ASH1L: variants seen among roughly 807,000 people sequenced by gnomAD.
The protein encoded by ASH1L is ASH1 like histone lysine methyltransferase.
ASH1L carries 23 observed loss-of-function variants against 269.0 expected under a neutral mutation model. The ratio of observed to expected loss-of-function variants is 0.09; its 90% CI spans 0.06 to 0.12. The LOEUF (loss-of-function observed/expected upper bound fraction) is 0.12, where lower values mean the gene tolerates loss of function less well. ASH1L is among the 10% of genes least tolerant of loss of function. ASH1L has a pLI of 1.00. For missense variants in ASH1L, 2,912 were observed against 3,567.8 expected, an observed-to-expected ratio of 0.82 and a Z score of 4.68; for synonymous variants, 1,187 against 1,253.5, an observed-to-expected ratio of 0.95 and a Z score of 1.12.
Position 155,444,202 on chromosome 1 carries a change from G to GAATTCCTGACCTCA in ASH1L, c.5087-5148_5087-5135dup, listed in dbSNP as rs1479541554. Reference sequence around the variant, plus strand: ...TCACCATGTTGGCCAGGCTGGTCTCGAATTCCTGACCTCAAATGATCCACC... The same window carrying GAATTCCTGACCTCA: ...TCACCATGTTGGCCAGGCTGGTCTCGAATTCCTGACCTCAAATTCCTGACCTCAAATGATCCACC... On this transcript the variant is annotated intron_variant, in intron 4 of 27. Coordinates refer to ENST00000392403, the MANE Select transcript of ASH1L (RefSeq NM_018489.3). 3.9e-5 allele frequency among the ~76,000 whole-genome samples: 6 copies of GAATTCCTGACCTCA among 152,050 alleles called. No individual in the cohort carries two copies. The East Asian group carries it at 1.2e-3, about 29-fold the overall frequency.
At chr1:155,517,500 G>A (rs906574434) in intron 2 of ASH1L, among the ~76,000 whole-genome samples, 1 of 151,942 alleles carries the variant, frequency 6.6e-6, no homozygotes, top group East Asian at 1.9e-4. Context: ...GTGGTAGCAG[G>A]CACCTGTAAT....
intron 1 of ASH1L, among the ~76,000 whole-genome samples, chr1:155,552,318 T>C (rs1314056173): frequency 1.3e-5 from 2 of 151,880 alleles, no homozygotes; most frequent in African/African-American, 4.8e-5. Flanking sequence ...ATACAAAAAT[T>C]AGCCGAGCGT....
intron 3 of ASH1L, 147 bp downstream of exon 3, chr1:155,477,739 A>G: frequency 8.1e-6 from 6 of 738,356 alleles, no homozygotes; most frequent in Non-Finnish European, 1.2e-5. Context: ...TTAAATCTTA[A>G]GGAAAAGGAA....
At chr1:155,519,699 C>T (rs1668746025) in intron 2 of ASH1L, among the ~76,000 whole-genome samples, 2 of 152,062 alleles carry the variant, frequency 1.3e-5, no homozygotes, top group Admixed American at 6.6e-5. Context: ...GCTTTCATTG[C>T]CCAGGCTGGA....
chr1:155,416,267 A>G (rs892531402), intron 5 of ASH1L, among the ~76,000 whole-genome samples: 2 of 152,004 alleles, frequency 1.3e-5, no homozygotes, highest in South Asian at 2.1e-4. Flanking sequence ...AGTAGCTGAT[A>G]TTACAGGGGC....
At chr1:155,523,388 G>A (rs1367858581) in intron 1 of ASH1L, among the ~76,000 whole-genome samples, 1 of 152,140 alleles carries the variant, frequency 6.6e-6, no homozygotes. Context: ...CAGCTCTCAG[G>A]AGACTGAGGT....
rs747902477 is a variant in ASH1L at position 155,481,762 on chromosome 1, T to G, written c.1108A>C (p.Lys370Gln). ...GLGTVVGLVN[K>Q]DLGKKLGSTV... ...GAACCCAATTTCTTTCCCAAATCTT[T>G]ATTAACCAGTCCAACCACAGTGCCA... The change falls in exon 3 of 28, where the codon AAA becomes CAA. Residue 370 changes from lysine to glutamine, a missense_variant. By Grantham distance (53) the Lys-to-Gln change is moderately conservative. Transcript: ENST00000392403. 1.2e-6 allele frequency: 2 copies of G among 1,614,222 alleles called. No individual in the cohort carries two copies. The highest frequency in any genetic ancestry group is 2.2e-5 in the South Asian group (2 of 91,086).
In ASH1L at chr1:155,437,454, G is replaced by A. The variant is rs539639562; in HGVS notation, c.5828+873C>T. ...AAAAAAAAAATTGAAAATAGCAAGT[G>A]TTGGTGAGGATGTAAACTGAAATCC... On this transcript the variant is annotated intron_variant, in intron 5 of 27. Transcript: ENST00000392403. 2.3e-3 allele frequency among the ~76,000 whole-genome samples: 352 copies of A among 152,314 alleles called. 1 individual carries two copies. The highest frequency in any genetic ancestry group is 8.1e-3 in the African/African-American group (336 of 41,580).
At chr1:155,342,754 T>C in intron 24 of ASH1L, among the ~76,000 whole-genome samples, 1 of 152,232 alleles carries the variant, frequency 6.6e-6, no homozygotes, top group Non-Finnish European at 1.5e-5. Flanking sequence ...TTAAGTAAAT[T>C]CCACAAAGGA....
chr1:155,372,588 C>T (rs1332438078), intron 10 of ASH1L, among the ~76,000 whole-genome samples: 2 of 151,460 alleles, frequency 1.3e-5, no homozygotes, highest in Non-Finnish European at 1.5e-5. Context: ...GGATTACAGG[C>T]GTGAGCCATT....
intron 17 of ASH1L, among the ~76,000 whole-genome samples, chr1:155,350,355 G>A (rs74118475): frequency 0.011 from 1,665 of 152,192 alleles, 38 homozygotes; most frequent in African/African-American, 0.035. Context: ...CTGTGAAAAA[G>A]CCACTTTTTC....
intron 4 of ASH1L, among the ~76,000 whole-genome samples, chr1:155,451,090 G>A (rs1039087758): frequency 3.3e-5 from 5 of 151,552 alleles, no homozygotes; most frequent in South Asian, 2.1e-4. Flanking sequence ...CCAGCTACTC[G>A]GGAGGCTAAG....
chr1:155,459,473 G>A (rs1224617221), intron 4 of ASH1L, among the ~76,000 whole-genome samples: 2 of 152,202 alleles, frequency 1.3e-5, no homozygotes, highest in Non-Finnish European at 2.9e-5. Context: ...TGGGATTATA[G>A]GCGTAAGCCA....
intron 2 of ASH1L, among the ~76,000 whole-genome samples, chr1:155,517,311 T>G (rs558720542): frequency 6.6e-6 from 1 of 151,974 alleles, no homozygotes; most frequent in Non-Finnish European, 1.5e-5. Flanking sequence ...GTAGCCTGGA[T>G]GACGGAGCAA....
intron 1 of ASH1L, among the ~76,000 whole-genome samples, chr1:155,547,307 A>C (rs1418350527): frequency 6.6e-6 from 1 of 151,994 alleles, no homozygotes; most frequent in Non-Finnish European, 1.5e-5. Flanking sequence ...AATCCTCTGA[A>C]GACACATGCA....
intron 5 of ASH1L, chr1:155,434,063 C>G: frequency 6.3e-7 from 1 of 1,592,220 alleles, no homozygotes; most frequent in Non-Finnish European, 8.5e-7. Context: ...CTATGCATAA[C>G]GAGAGGATTT....
At chr1:155,397,421 C>T (rs112442296) in intron 6 of ASH1L, among the ~76,000 whole-genome samples, 12 of 151,116 alleles carry the variant, frequency 7.9e-5, no homozygotes, top group African/African-American at 2.4e-4. Flanking sequence ...CGCTTGACTC[C>T]GGGAGACGGA....
rs1338214009 is a variant in ASH1L at position 155,479,070 on chromosome 1, C to T, written c.3800G>A (p.Arg1267Lys). ...TTTCTTTTTCCGTTTTCGTTTCTGC[C>T]TTTTCATCTTGTCATAGCTGAGGTA... is the stretch of plus-strand genomic sequence containing the variant. ...HDYLSYDKMK[R>K]QKRKRKKKYP... The change falls in exon 3 of 28, where the codon AGG (arginine) becomes AAG (lysine). Residue 1267 changes from arginine to lysine, a missense_variant. By Grantham distance (26) the Arg-to-Lys change is conservative. Transcript: ENST00000392403. The T allele has an allele frequency of 4.3e-6, 7 of 1,613,882 alleles. No homozygotes were observed. The highest frequency in any genetic ancestry group is 5.9e-6 in the Non-Finnish European group (7 of 1,180,008).
In ASH1L at chr1:155,500,430, T is replaced by C. The variant is rs888453604; in HGVS notation, c.421-17981A>G. On this transcript the variant is annotated intron_variant, in intron 2 of 27. Coordinates refer to ENST00000392403, the MANE Select transcript of ASH1L (RefSeq NM_018489.3). ...GAAGGTAAGACTACAGAATCCATCATAGCAAGACTCAGAGATACCTACATA... is the reference window on the plus strand; with the variant it reads ...GAAGGTAAGACTACAGAATCCATCACAGCAAGACTCAGAGATACCTACATA... 1.6e-4 allele frequency among the ~76,000 whole-genome samples: 25 copies of C among 152,328 alleles called. No homozygotes were observed. In the East Asian group the frequency reaches 3.9e-3, roughly 23 times the overall value.
Sources: allele counts gnomAD v4.1 joint callset (sites outside exome capture counted in the v4.1 genomes callset), GRCh38; gene constraint gnomAD v4.1.1; transcripts MANE v1.5; gene names NCBI Gene and HGNC (gene_info 2026-07-23, HGNC 2026-07-21).